Variants in PCDH7 observed in about 807,000 individuals in gnomAD.
The protein encoded by PCDH7 is protocadherin 7.
PCDH7 carries 17 observed loss-of-function variants against 58.9 expected under a neutral mutation model. The observed-to-expected ratio is 0.29, with a 90% confidence interval of 0.20 to 0.43. The LOEUF (loss-of-function observed/expected upper bound fraction) is 0.43. Among genes scored for constraint, PCDH7 ranks in the 20% least tolerant of loss-of-function variants. The pLI is 1.00. For missense variants in PCDH7, 1,274 were observed against 1,441.0 expected (o/e 0.88, Z 1.88); for synonymous variants, 664 against 616.4 (o/e 1.08, Z -1.14).
At chr4:30,929,673 T>C (rs1744319205) in intron 2 of PCDH7, among the ~76,000 whole-genome samples, 1 of 152,046 alleles carries the variant, frequency 6.6e-6, no homozygotes, top group Non-Finnish European at 1.5e-5. Context: ...AAAAATCTTC[T>C]TCATTTCTGC....
chr4:30,990,198 G>T (rs557707846), intron 3 of PCDH7, among the ~76,000 whole-genome samples: 1 of 151,614 alleles, frequency 6.6e-6, no homozygotes, highest in African/African-American at 2.4e-5. Context: ...AAAATTTTGT[G>T]CCTAAAGAGG....
chr4:30,920,224 C>T (rs999066289), exon 2 of PCDH7: 3 of 1,367,572 alleles, frequency 2.2e-6, no homozygotes, highest in South Asian at 2.3e-5. Flanking sequence ...TGCAGAGTTG[C>T]TATGACAGCG....
chr4:30,784,743 T>G (rs1212274688), intron 1 of PCDH7, among the ~76,000 whole-genome samples: 1 of 151,888 alleles, frequency 6.6e-6, no homozygotes, highest in Non-Finnish European at 1.5e-5. Context: ...CAAGAGAAGC[T>G]TAATGAAATT....
At chr4:31,003,661 A>T (rs1752534954) in intron 3 of PCDH7, among the ~76,000 whole-genome samples, 1 of 152,078 alleles carries the variant, frequency 6.6e-6, no homozygotes, top group African/African-American at 2.4e-5. Context: ...TAATCCCAGC[A>T]GTTTGGGAGG....
intron 3 of PCDH7, among the ~76,000 whole-genome samples, chr4:31,044,247 A>C (rs1256517943): frequency 1.3e-5 from 2 of 152,108 alleles, no homozygotes; most frequent in East Asian, 3.9e-4. Flanking sequence ...TCTCAAGATT[A>C]ACAAAGTGGA....
At chr4:31,056,428 GAA>G (rs1302771536) in intron 3 of PCDH7, among the ~76,000 whole-genome samples, 15 of 92,544 alleles carry the variant, frequency 1.6e-4, no homozygotes, top group African/African-American at 4.7e-4. Context: ...AAGAAGGAAA[GAA>G]AAAGAAAGAA....
chr4:30,859,858 G>T (rs889017751), intron 1 of PCDH7, among the ~76,000 whole-genome samples: 4 of 152,166 alleles, frequency 2.6e-5, no homozygotes, highest in African/African-American at 9.7e-5. Flanking sequence ...AAAGTGTAAA[G>T]ACTGAGTGAA....
chr4:31,008,362 C>T (rs917862695), intron 3 of PCDH7, among the ~76,000 whole-genome samples: 1 of 151,898 alleles, frequency 6.6e-6, no homozygotes. Flanking sequence ...TATGATGGTT[C>T]GTAAAAATAG....
In PCDH7 at chr4:30,913,668, T is replaced by G. The variant is rs894164571; in HGVS notation, c.71-6485T>G. The stretch of plus-strand genomic sequence containing the variant: ...TAATGAATCAAATGCTCACGTCATT[T>G]TCCCTTCATGAGTGCCTTATCCTTT... On this transcript the variant is annotated intron_variant, in intron 1 of 3. Coordinates refer to the PCDH7 transcript ENST00000509759. 2.0e-5 allele frequency among the ~76,000 whole-genome samples: 3 copies of G among 152,262 alleles called. No individual in the cohort carries two copies. In the South Asian group the frequency reaches 6.2e-4, roughly 32 times the overall value.
chr4:30,809,317 G>C (rs1254839112), intron 1 of PCDH7, among the ~76,000 whole-genome samples: 1 of 152,072 alleles, frequency 6.6e-6, no homozygotes, highest in African/African-American at 2.4e-5. Flanking sequence ...AGGATTAATA[G>C]GTCTTGAATA....
chr4:30,888,609 T>A (rs1482202884), intron 1 of PCDH7, among the ~76,000 whole-genome samples: 2 of 152,206 alleles, frequency 1.3e-5, no homozygotes. Context: ...GGGATTATTG[T>A]TAATATTTTA....
intron 3 of PCDH7, among the ~76,000 whole-genome samples, chr4:31,091,712 T>C (rs1713277794): frequency 6.6e-6 from 1 of 151,970 alleles, no homozygotes; most frequent in African/African-American, 2.4e-5. Context: ...TGAGGAACAT[T>C]TACTGAACCA....
intron 3 of PCDH7, among the ~76,000 whole-genome samples, chr4:30,994,638 T>C (rs781766588): frequency 1.1e-4 from 16 of 152,194 alleles, no homozygotes; most frequent in Non-Finnish European, 2.1e-4. Context: ...TATGTTGAGA[T>C]GGTCCTATTA....
chr4:30,909,879 G>C (rs961865679), intron 1 of PCDH7, among the ~76,000 whole-genome samples: 2 of 152,104 alleles, frequency 1.3e-5, no homozygotes, highest in Non-Finnish European at 1.5e-5. Flanking sequence ...AAAATCTTAA[G>C]CCAAAAGAAC....
chr4:31,121,140 T>C lies in PCDH7; in HGVS notation c.*8-21333T>C, dbSNP rs529026673. Among the ~76,000 whole-genome samples the C allele has an allele frequency of 8.2e-4, 125 of 152,292 alleles. 1 individual carries two copies. Among genetic ancestry groups the C allele is most frequent in the African/African-American group, 2.8e-3 (117 of 41,590 alleles). ...ACAGGTCGCTGTAAAGATAAAGAGA[T>C]GTTTTGGGGCTGATACATCCTTTGC... On this transcript the variant is annotated intron_variant, in intron 3 of 3. Coordinates refer to the PCDH7 transcript ENST00000509759.
At chr4:30,933,464 T>C (rs1229908703) in intron 2 of PCDH7, among the ~76,000 whole-genome samples, 1 of 152,216 alleles carries the variant, frequency 6.6e-6, no homozygotes, top group Non-Finnish European at 1.5e-5. Flanking sequence ...CACAATCTTG[T>C]GTCTCTAACT....
intron 3 of PCDH7, among the ~76,000 whole-genome samples, chr4:31,114,685 A>T (rs1168870817): frequency 6.6e-6 from 1 of 150,566 alleles, no homozygotes; most frequent in African/African-American, 2.4e-5. Flanking sequence ...ATGGGGAGGG[A>T]GGAGGAAGAG....
intron 1 of PCDH7, among the ~76,000 whole-genome samples, chr4:30,877,179 G>C (rs562459196): frequency 2.0e-5 from 3 of 152,158 alleles, no homozygotes; most frequent in South Asian, 4.1e-4. Flanking sequence ...TTGATGGTTT[G>C]GGGAGTGTGG....
At chr4:30,832,414 G>C (rs13150677) in intron 1 of PCDH7, among the ~76,000 whole-genome samples, 3,231 of 152,222 alleles carry the variant, frequency 0.021, 51 homozygotes, top group Non-Finnish European at 0.034. Context: ...AGCATCGACA[G>C]ATTTTTGAAT....
Sources: allele counts gnomAD v4.1 joint callset (sites outside exome capture counted in the v4.1 genomes callset), GRCh38; gene constraint gnomAD v4.1.1; transcripts MANE v1.5; gene names NCBI Gene and HGNC (gene_info 2026-07-23, HGNC 2026-07-21).